The following PCDHA6 variants were observed in gnomAD, a reference collection of about 807,000 sequenced individuals.
PCDHA6 encodes protocadherin alpha 6, also known as protocadherin alpha-6.
A neutral mutation model predicts 60.3 loss-of-function variants in PCDHA6; 55 were observed. That is an observed-to-expected ratio of 0.91 (90% CI 0.73 to 1.14). The LOEUF (loss-of-function observed/expected upper bound fraction) is 1.14, where lower values mean the gene tolerates loss of function less well. PCDHA6 is among the 50% of genes most tolerant of loss of function. PCDHA6 has a pLI of 0.00. For missense variants in PCDHA6, 1,327 were observed against 1,256.5 expected, an observed-to-expected ratio of 1.06 and a Z score of -0.85; for synonymous variants, 652 against 557.9, an observed-to-expected ratio of 1.17 and a Z score of -2.38.
At position 140,851,857 on chromosome 5, in the gene PCDHA6, C is replaced by T. The variant is rs532607539; in HGVS notation, c.2394+21372C>T. 3 of 972,984 alleles carry T rather than the reference C, an allele frequency of 3.1e-6. No individual in the cohort carries two copies. The African/African-American group carries it at 5.3e-5, about 17-fold the overall frequency. The allele number at this position is 972,984 out of a possible 1,614,324, so 60.3% of individuals were successfully genotyped here. ...AAAATATCTTTTTCTCCTCTCAGCT[C>T]ATACATAACACAAGGCAGAAATCTG... is the stretch of plus-strand genomic sequence containing the variant. On this transcript the variant is annotated intron_variant, in intron 1 of 3. Coordinates refer to ENST00000529310, the MANE Select transcript of PCDHA6 (RefSeq NM_018909.4).
chr5:140,906,585 C>T (rs782305409), intron 1 of PCDHA6, among the ~76,000 whole-genome samples: 1 of 152,208 alleles, frequency 6.6e-6, no homozygotes, highest in Non-Finnish European at 1.5e-5. Context: ...TTGATGACTA[C>T]CTTCCTCTAC....
Position 140,856,390 on chromosome 5 carries a change from G to A in PCDHA6, c.2394+25905G>A, listed in dbSNP as rs2043967931. On this transcript the variant is annotated intron_variant, in intron 1 of 3. Coordinates refer to ENST00000529310, the MANE Select transcript of PCDHA6 (RefSeq NM_018909.4). ...AGGTGATCGTGGACAGGCCGCTGCA[G>A]GTTTTCCATGTGGACGTGGAAGTGA... is the stretch of plus-strand genomic sequence containing the variant. 3 of 1,598,440 alleles carry A rather than the reference G, an allele frequency of 1.9e-6. 1 individual carries two copies. The highest frequency in any genetic ancestry group is 2.6e-6 in the Non-Finnish European group (3 of 1,167,994).
chr5:140,962,339 G>A (rs1454430913), intron 1 of PCDHA6, among the ~76,000 whole-genome samples: 1 of 152,152 alleles, frequency 6.6e-6, no homozygotes, highest in Non-Finnish European at 1.5e-5. Flanking sequence ...TGATAAAGAA[G>A]TAAAACTCCC....
At chr5:140,976,566 A>C (rs2096723160) in intron 1 of PCDHA6, among the ~76,000 whole-genome samples, 2 of 152,098 alleles carry the variant, frequency 1.3e-5, no homozygotes, top group African/African-American at 4.8e-5. Flanking sequence ...TAAATAAATA[A>C]ATATAAATAA....
chr5:140,918,282 C>G (rs2078612020), intron 1 of PCDHA6, among the ~76,000 whole-genome samples: 1 of 152,016 alleles, frequency 6.6e-6, no homozygotes, highest in Non-Finnish European at 1.5e-5. Flanking sequence ...GATGTAGGAG[C>G]TTTTTGGCAG....
intron 1 of PCDHA6, chr5:140,877,139 T>C (rs781891057): frequency 8.7e-6 from 14 of 1,613,764 alleles, no homozygotes; most frequent in Admixed American, 1.7e-5. Context: ...GTGTTCGTGC[T>C]GGACGAGAAC....
At chr5:140,897,580 G>A (rs1420816335) in intron 1 of PCDHA6, among the ~76,000 whole-genome samples, 1 of 151,964 alleles carries the variant, frequency 6.6e-6, no homozygotes, top group African/African-American at 2.4e-5. Flanking sequence ...TCTTAATCCA[G>A]TCTGTCATTG....
chr5:140,842,396 G>A, intron 1 of PCDHA6: 2 of 1,611,442 alleles, frequency 1.2e-6, no homozygotes, highest in South Asian at 2.2e-5. Context: ...ATCCTTGCCT[G>A]TACGTGAAGA....
At chr5:140,884,440 G>A in intron 1 of PCDHA6, 1 of 1,613,830 alleles carries the variant, frequency 6.2e-7, no homozygotes, top group Non-Finnish European at 8.5e-7. Flanking sequence ...TGCGGTGCTC[G>A]GCACCGCCCA....
intron 1 of PCDHA6, chr5:140,836,708 C>G: frequency 6.2e-7 from 1 of 1,613,192 alleles, no homozygotes; most frequent in Non-Finnish European, 8.5e-7. Flanking sequence ...TCAGTCCCAG[C>G]CTTCCTCAGG....
At chr5:140,879,136 T>C (rs1225791251) in intron 1 of PCDHA6, among the ~76,000 whole-genome samples, 4 of 152,206 alleles carry the variant, frequency 2.6e-5, no homozygotes, top group Admixed American at 2.6e-4. Flanking sequence ...GGGGAGATTG[T>C]GAAGGCAGGA....
At chr5:140,964,262 A>C (rs1327933465) in intron 1 of PCDHA6, among the ~76,000 whole-genome samples, 1 of 152,206 alleles carries the variant, frequency 6.6e-6, no homozygotes, top group Non-Finnish European at 1.5e-5. Context: ...TTGACTCCTT[A>C]ATAATTAAGG....
rs901766941 is a variant in PCDHA6 at position 140,982,266 on chromosome 5, G to A, written c.2454-209G>A. The A allele has an allele frequency of 6.1e-5, 54 of 879,038 alleles. No homozygotes were observed. In the African/African-American group the frequency reaches 7.6e-4, roughly 12 times the overall value. The allele number at this position is 879,038 out of a possible 1,614,324, so 54.5% of individuals were successfully genotyped here. ...TAAAGATAGAACATGTGTGTTCCTG[G>A]AATAGTATAGCAGGCAATAAGTAAG... On this transcript the variant is annotated intron_variant, in intron 2 of 3. Coordinates refer to ENST00000529310, the MANE Select transcript of PCDHA6 (RefSeq NM_018909.4).
At chr5:140,963,275 A>G (rs2095752915) in intron 1 of PCDHA6, among the ~76,000 whole-genome samples, 1 of 152,160 alleles carries the variant, frequency 6.6e-6, no homozygotes, top group Non-Finnish European at 1.5e-5. Flanking sequence ...AAATGTATGT[A>G]AGATTTTATA....
intron 1 of PCDHA6, among the ~76,000 whole-genome samples, chr5:140,959,410 T>C (rs564453268): frequency 6.6e-5 from 10 of 152,300 alleles, no homozygotes; most frequent in Non-Finnish European, 1.3e-4. Flanking sequence ...AAGTGTTGAT[T>C]GATCTGAGAA....
intron 1 of PCDHA6, among the ~76,000 whole-genome samples, chr5:140,930,790 A>G (rs155822): frequency 0.047 from 7,177 of 152,302 alleles, 299 homozygotes; most frequent in African/African-American, 0.11. Context: ...ACAATATAAT[A>G]GAATCCAGCA....
At chr5:140,841,890 A>G in intron 1 of PCDHA6, 1 of 1,613,830 alleles carries the variant, frequency 6.2e-7, no homozygotes, top group Non-Finnish European at 8.5e-7. Flanking sequence ...GATGAGAATA[A>G]ACTGGTTGAG....
chr5:140,868,938 T>C, intron 1 of PCDHA6: 1 of 1,227,722 alleles, frequency 8.1e-7, no homozygotes. Context: ...AAGGTTGGTC[T>C]GAACAGTGAG....
At position 141,011,045 on chromosome 5, in the gene PCDHA6, G is replaced by A. The variant is rs949707438; in HGVS notation, c.*1108G>A. 2 of 153,712 alleles carry A rather than the reference G, an allele frequency of 1.3e-5. No individual in the cohort carries two copies. Among genetic ancestry groups the A allele is most frequent in the African/African-American group, 4.8e-5 (2 of 41,422 alleles). The allele number at this position is 153,712 out of a possible 1,614,324, so 9.5% of individuals were successfully genotyped here. ...CAGCTTTACTCTTTCAGGTCACTCT[G>A]GGGCTGCCTCTTGCATGTATTACTA... On this transcript the variant is annotated 3_prime_UTR_variant, in exon 4 of 4. Coordinates refer to ENST00000529310, the MANE Select transcript of PCDHA6 (RefSeq NM_018909.4).
Sources: gnomAD v4.1 joint callset for allele counts (sites outside exome capture counted in the v4.1 genomes callset) on GRCh38, gnomAD v4.1.1 for gene constraint, MANE v1.5 for transcripts, NCBI Gene and HGNC (gene_info 2026-07-23, HGNC 2026-07-21) for gene names.